ASIC2: variants seen among roughly 807,000 people sequenced by gnomAD.
ASIC2 encodes the protein acid-sensing ion channel 2.
ASIC2 carries 25 observed loss-of-function variants against 57.3 expected under a neutral mutation model. That is an observed-to-expected ratio of 0.44 (90% confidence interval 0.32 to 0.61). The LOEUF is 0.61. Among genes scored for constraint, ASIC2 ranks in the 20% least tolerant of loss-of-function variants. ASIC2 has a pLI of 0.06. For synonymous variants in ASIC2, 319 were observed against 307.5 expected (o/e 1.04, Z -0.39); for missense variants, 641 against 738.1 (o/e 0.87, Z 1.52).
At chr17:33,288,138 C>G (rs1288669290) in intron 1 of ASIC2, among the ~76,000 whole-genome samples, 3 of 152,076 alleles carry the variant, frequency 2.0e-5, no homozygotes, top group African/African-American at 7.2e-5. Flanking sequence ...CAGGCACAGT[C>G]TAACAGGTGT....
intron 3 of ASIC2, among the ~76,000 whole-genome samples, chr17:33,044,436 G>T (rs2091943347): frequency 6.6e-6 from 1 of 152,096 alleles, no homozygotes; most frequent in Admixed American, 6.5e-5. Flanking sequence ...GCAATGGTAA[G>T]ATCTTGGCTC....
At chr17:33,790,774 G>A (rs184931878) in intron 1 of ASIC2, among the ~76,000 whole-genome samples, 58 of 152,232 alleles carry the variant, frequency 3.8e-4, no homozygotes, top group African/African-American at 1.3e-3. Flanking sequence ...AGCTCTGACT[G>A]ATAAAGATGA....
intron 1 of ASIC2, among the ~76,000 whole-genome samples, chr17:33,555,872 T>C (rs1229172622): frequency 2.0e-5 from 3 of 152,144 alleles, no homozygotes; most frequent in East Asian, 1.9e-4. Flanking sequence ...TTCTACCAAA[T>C]TGAACTTCTA....
chr17:34,150,855 C>A (rs888115764), intron 1 of ASIC2, among the ~76,000 whole-genome samples: 1 of 152,108 alleles, frequency 6.6e-6, no homozygotes, highest in African/African-American at 2.4e-5. Flanking sequence ...TGGCTCACAC[C>A]TGTAATCCTA....
At chr17:33,279,501 G>C (rs1904850730) in intron 1 of ASIC2, among the ~76,000 whole-genome samples, 1 of 152,192 alleles carries the variant, frequency 6.6e-6, no homozygotes. Flanking sequence ...CAAGGTATTA[G>C]GTGCTTTCCT....
intron 1 of ASIC2, among the ~76,000 whole-genome samples, chr17:33,125,169 G>A (rs967362233): frequency 1.3e-5 from 2 of 152,222 alleles, no homozygotes; most frequent in African/African-American, 4.8e-5. Context: ...TTGCCACAGG[G>A]CAATATGAGG....
intron 1 of ASIC2, among the ~76,000 whole-genome samples, chr17:33,842,625 CAG>C (rs1385940097): frequency 2.0e-5 from 3 of 152,078 alleles, no homozygotes; most frequent in African/African-American, 4.8e-5. Flanking sequence ...AGTGGAGAAA[CAG>C]AGAATTAGGA....
chr17:33,745,401 T>C (rs930560625), intron 1 of ASIC2, among the ~76,000 whole-genome samples: 1 of 123,710 alleles, frequency 8.1e-6, no homozygotes, highest in African/African-American at 2.7e-5. Context: ...AAACCCCAAA[T>C]TTACTGAAAA....
chr17:33,593,211 G>A (rs974508407), intron 1 of ASIC2, among the ~76,000 whole-genome samples: 1 of 152,214 alleles, frequency 6.6e-6, no homozygotes, highest in Non-Finnish European at 1.5e-5. Flanking sequence ...GCAATTGTAT[G>A]TGCAGGCACA....
intron 1 of ASIC2, among the ~76,000 whole-genome samples, chr17:33,219,411 C>T (rs1205782341): frequency 6.6e-6 from 1 of 152,228 alleles, no homozygotes; most frequent in African/African-American, 2.4e-5. Context: ...AGCCCCAATA[C>T]ATATTTCCTG....
chr17:34,156,519 T>C lies in ASIC2; in HGVS notation c.14A>G (p.Glu5Gly). The C allele has an allele frequency of 6.3e-7, 1 of 1,594,774 alleles. No homozygotes were observed. Residue 5 changes from glutamate (E) to glycine (G), a missense_variant, in exon 1 of 10, where the codon GAA becomes GGA. By Grantham distance (98) the Glu-to-Gly change is moderately conservative. Transcript: ENST00000359872. This position sits in a 1 kb window ranked among gnomAD's most constrained non-coding sequence, Gnocchi z 4.4. Reference sequence around the variant, plus strand: ...TTGCAGGCTGCCCTCACTGGGGCTTTCCTTGAGGTCCATCGGGACCCCGTG... The same window carrying C: ...TTGCAGGCTGCCCTCACTGGGGCTTCCCTTGAGGTCCATCGGGACCCCGTG...
intron 1 of ASIC2, among the ~76,000 whole-genome samples, chr17:33,127,757 TC>T (rs2092329698): frequency 6.6e-6 from 1 of 152,168 alleles, no homozygotes; most frequent in African/African-American, 2.4e-5. Context: ...TGCCACAGCC[TC>T]CTACAGAGTC....
At chr17:34,048,068 G>GAA (rs1248979093) in intron 1 of ASIC2, among the ~76,000 whole-genome samples, 1 of 152,166 alleles carries the variant, frequency 6.6e-6, no homozygotes, top group Non-Finnish European at 1.5e-5. Context: ...CTCTTGGAGA[G>GAA]ATTTTTCTTC....
At chr17:33,879,828 A>G (rs192968911) in intron 1 of ASIC2, among the ~76,000 whole-genome samples, 6 of 152,358 alleles carry the variant, frequency 3.9e-5, no homozygotes, top group Non-Finnish European at 5.9e-5. Flanking sequence ...CACCACACCT[A>G]TTCCAAAACT....
chr17:33,424,191 C>T (rs528744846), intron 1 of ASIC2, among the ~76,000 whole-genome samples: 44 of 152,308 alleles, frequency 2.9e-4, no homozygotes, highest in Non-Finnish European at 5.6e-4. Context: ...CACTGGCTTT[C>T]CTCACTCCTG....
chr17:33,106,115 T>C (rs1197570714), intron 2 of ASIC2, among the ~76,000 whole-genome samples: 2 of 152,064 alleles, frequency 1.3e-5, no homozygotes, highest in African/African-American at 4.8e-5. Flanking sequence ...TCATAGCGGT[T>C]AATAGCAAAT....
At chr17:33,366,163 C>T (rs1908802073) in intron 1 of ASIC2, among the ~76,000 whole-genome samples, 2 of 152,210 alleles carry the variant, frequency 1.3e-5, no homozygotes, top group Admixed American at 1.3e-4. Flanking sequence ...TCTTGACTGG[C>T]ACAAGGTCAA....
chr17:33,246,505 C>T (rs1908693692), intron 1 of ASIC2, among the ~76,000 whole-genome samples: 1 of 152,164 alleles, frequency 6.6e-6, no homozygotes, highest in African/African-American at 2.4e-5. Flanking sequence ...GGCCTGGCAG[C>T]CAGATCAGTA....
chr17:33,721,181 T>G (rs1909377664), intron 1 of ASIC2, among the ~76,000 whole-genome samples: 1 of 152,234 alleles, frequency 6.6e-6, no homozygotes, highest in South Asian at 2.1e-4. Flanking sequence ...AGCAAATAAC[T>G]TGTTGCACAG....
Sources: allele counts gnomAD v4.1 joint callset (sites outside exome capture counted in the v4.1 genomes callset), GRCh38; gene constraint gnomAD v4.1.1; non-coding constraint Gnocchi (gnomAD v3.1); transcripts MANE v1.5; gene names NCBI Gene and HGNC (gene_info 2026-07-23, HGNC 2026-07-21).